The following MIER3 variants were observed in gnomAD, a reference collection of about 807,000 sequenced individuals.
MIER3 encodes the protein mesoderm induction early response protein 3.
In MIER3, 9 loss-of-function variants were observed where a neutral mutation model predicts 63.2. The ratio of observed to expected loss-of-function variants is 0.14; its 90% CI spans 0.09 to 0.25. The LOEUF (loss-of-function observed/expected upper bound fraction) is 0.25. Among genes scored for constraint, MIER3 ranks in the 10% least tolerant of loss-of-function variants. The probability of loss-of-function intolerance (pLI) is 1.00; values close to 1 mark genes in which losing one functional copy is unlikely to be tolerated. For missense variants in MIER3, 512 were observed against 666.2 expected (o/e 0.77, Z 2.55); for synonymous variants, 205 against 224.9 (o/e 0.91, Z 0.79).
rs752887778 is a variant in MIER3, at chr5:56,947,063, A to G, written c.43T>C (p.Leu15=). The G allele has an allele frequency of 6.2e-7, 1 of 1,606,048 alleles. No homozygotes were observed. ...SFGSSSPVGS[L]SSEDHDFDPT... ...TCAAAATCATGATCCTCAGAAGACA[A>G]AGACCCAACTGGAATAAAACAAACT... The change falls in exon 3 of 13, where the codon TTG becomes CTG. Residue 15 remains leucine, a synonymous_variant. Transcript: ENST00000381199.
rs1393589915 is a variant in MIER3, at chr5:56,923,811, C to T, written c.1075G>A (p.Asp359Asn). 6.2e-7 allele frequency: 1 copy of T among 1,614,168 alleles called. No individual in the cohort carries two copies. The highest frequency in any genetic ancestry group is 8.5e-7 in the Non-Finnish European group (1 of 1,180,014). ...GTCCCACCCAAAGCTTCTGTTTCATCTACTAAACGATCCATATAGTCCCTG... is the reference window on the plus strand; with the variant it reads ...GTCCCACCCAAAGCTTCTGTTTCATTTACTAAACGATCCATATAGTCCCTG... ...GVTDYMDRLV[D>N]ETEALGGTVN... Residue 359 changes from aspartate to asparagine, a missense_variant, in exon 12 of 13, where the codon GAT (aspartate) becomes AAT (asparagine). This residue lies in a region of MIER3 where 218 missense variants were observed against 251.2 expected (regional missense o/e 0.87). Coordinates refer to ENST00000381199, the MANE Select transcript of MIER3 (RefSeq NM_001297599.2).
chr5:56,925,291 T>C (rs1749908959), intron 10 of MIER3: 1 of 451,240 alleles, frequency 2.2e-6, no homozygotes. Flanking sequence ...ATAAAAAGTA[T>C]ACAGATTGGG....
intron 3 of MIER3, chr5:56,941,205 C>A: frequency 1.1e-6 from 1 of 909,334 alleles, no homozygotes; most frequent in Non-Finnish European, 1.3e-6. Context: ...CATTATGATA[C>A]AATGTGATGG....
chr5:56,925,116 G>T (rs1749898546), intron 10 of MIER3, among the ~76,000 whole-genome samples: 1 of 151,786 alleles, frequency 6.6e-6, no homozygotes, highest in Non-Finnish European at 1.5e-5. Flanking sequence ...AAAACTGATG[G>T]TTTTTTTTAC....
chr5:56,940,433 G>C (rs536513828), intron 3 of MIER3, among the ~76,000 whole-genome samples: 1 of 152,318 alleles, frequency 6.6e-6, no homozygotes, highest in Non-Finnish European at 1.5e-5. Flanking sequence ...ATTCCTTAGA[G>C]GGCCAGCTGG....
intron 4 of MIER3, among the ~76,000 whole-genome samples, chr5:56,938,035 T>A (rs1209894412): frequency 6.6e-6 from 1 of 152,118 alleles, no homozygotes; most frequent in Non-Finnish European, 1.5e-5. Flanking sequence ...TTATATTCAT[T>A]TTCTGTCAAT....
intron 4 of MIER3, among the ~76,000 whole-genome samples, chr5:56,938,111 A>C (rs1319187031): frequency 6.6e-6 from 1 of 152,254 alleles, no homozygotes; most frequent in African/African-American, 2.4e-5. Flanking sequence ...ACTAATGAAC[A>C]GCACTGACTA....
rs1343417361 is a variant in MIER3 at position 56,923,428 on chromosome 5, A to C, written c.1353T>G (p.Asp451Glu). ...ATCCAGTCTCAAATAAATTAAAACAATCACTTTCCCCATTGCTGGGCAGGG... is the reference window on the plus strand; with the variant it reads ...ATCCAGTCTCAAATAAATTAAAACACTCACTTTCCCCATTGCTGGGCAGGG... ...LLTLPSNGES[D>E]CFNLFETGFY... Residue 451 changes from aspartate to glutamate, a missense_variant, in exon 13 of 13, where the codon GAT becomes GAG. By Grantham distance (45) the Asp-to-Glu change is conservative (BLOSUM62 2). This residue lies in a region of MIER3 where 218 missense variants were observed against 251.2 expected (regional missense o/e 0.87). Transcript: ENST00000381199. 1.2e-6 allele frequency: 2 copies of C among 1,614,196 alleles called. No individual in the cohort carries two copies. Among genetic ancestry groups the C allele is most frequent in the Non-Finnish European group, 1.7e-6 (2 of 1,180,034 alleles).
At chr5:56,927,478 T>G (rs540502997) in intron 10 of MIER3, among the ~76,000 whole-genome samples, 1 of 152,282 alleles carries the variant, frequency 6.6e-6, no homozygotes, top group East Asian at 1.9e-4. Context: ...AACCCTGCCT[T>G]CCTTTAGGAT....
chr5:56,938,233 G>T, intron 4 of MIER3: 2 of 471,006 alleles, frequency 4.2e-6, no homozygotes, highest in Middle Eastern at 3.3e-4. Context: ...AATGACTATG[G>T]TCATTAAGGT....
At chr5:56,924,448 T>C (rs529418253) in intron 10 of MIER3, among the ~76,000 whole-genome samples, 2 of 150,328 alleles carry the variant, frequency 1.3e-5, no homozygotes, top group African/African-American at 5.0e-5. Flanking sequence ...ATGGATTTCA[T>C]TGAGATCTAT....
At chr5:56,925,173 C>T (rs1003085227) in intron 10 of MIER3, among the ~76,000 whole-genome samples, 3 of 152,094 alleles carry the variant, frequency 2.0e-5, no homozygotes, top group African/African-American at 7.2e-5. Context: ...AAATTATACG[C>T]TTTATCTCAT....
chr5:56,944,726 CT>C (rs1482643598), intron 3 of MIER3, among the ~76,000 whole-genome samples: 7 of 152,052 alleles, frequency 4.6e-5, no homozygotes, highest in African/African-American at 1.4e-4. Flanking sequence ...GGGTCTCAGT[CT>C]GTCACATACT....
intron 10 of MIER3, chr5:56,925,378 A>T (rs1291767294): frequency 2.2e-6 from 1 of 452,780 alleles, no homozygotes; most frequent in Non-Finnish European, 4.4e-6. Context: ...TCAACAAAAA[A>T]TCGCCTGTAA....
In MIER3 at chr5:56,947,106, T is replaced by C. The variant is rs566389685; in HGVS notation, c.35-35A>G. The C allele has an allele frequency of 8.2e-6, 13 of 1,580,216 alleles. No individual in the cohort carries two copies. The South Asian group carries it at 1.1e-4, about 13-fold the overall frequency. Reference sequence around the variant, plus strand: ...AACAAACTGAATCACTTTACACATTTACAAGGCTATTAACAAAAGAAAATA... The same window carrying C: ...AACAAACTGAATCACTTTACACATTCACAAGGCTATTAACAAAAGAAAATA... On this transcript the variant is annotated intron_variant, in intron 2 of 12. Transcript: ENST00000381199.
At position 56,950,645 on chromosome 5, in the gene MIER3, A is replaced by G; in HGVS notation, c.17T>C (p.Phe6Ser). MAEAS[F>S]GSSSPVGSLS... ...GGACAAACCTGGGCTCGAACTTCCA[A>G]AAGAAGCCTAGGAGAGAGAGAAGAA... Residue 6 changes from phenylalanine (F) to serine (S), a missense_variant, in exon 2 of 13, where the codon TTT becomes TCT. Physicochemically the swap from Phe to Ser is radical, Grantham distance 155. Transcript: ENST00000381199. 1 of 1,613,764 alleles carries G rather than the reference A, an allele frequency of 6.2e-7. No homozygotes were observed. Among genetic ancestry groups the G allele is most frequent in the Non-Finnish European group, 8.5e-7 (1 of 1,179,812 alleles).
At chr5:56,940,314 C>T (rs896067896) in intron 3 of MIER3, among the ~76,000 whole-genome samples, 8 of 152,082 alleles carry the variant, frequency 5.3e-5, no homozygotes, top group African/African-American at 1.7e-4. Flanking sequence ...TTTAGTTTTC[C>T]CTTTAAAATA....
Position 56,938,961 on chromosome 5 carries a change from A to C in MIER3, c.237T>G (p.Ile79Met). 6.2e-7 allele frequency: 1 copy of C among 1,614,132 alleles called. No individual in the cohort carries two copies. The highest frequency in any genetic ancestry group is 8.5e-7 in the Non-Finnish European group (1 of 1,180,026). Residue 79 changes from isoleucine (I) to methionine (M), a missense_variant, in exon 4 of 13, where the codon ATT (isoleucine) becomes ATG (methionine). By Grantham distance (10) the Ile-to-Met change is conservative (BLOSUM62 1). This residue lies in a region of MIER3 where 98 missense variants were observed against 107.4 expected (regional missense o/e 0.91). Transcript: ENST00000381199. ...TTGCACTGGAATTTGCAACTGCTGG[A>C]ATTGTAGGTTCATAGCCATAGAATG... ...LLAFYGYEPT[I>M]PAVANSSANS... is the part of the protein sequence containing the mutation.
At chr5:56,947,406 C>T (rs1561246982) in intron 2 of MIER3, among the ~76,000 whole-genome samples, 1 of 152,118 alleles carries the variant, frequency 6.6e-6, no homozygotes, top group Non-Finnish European at 1.5e-5. Flanking sequence ...TCATTTAATA[C>T]ATCTGTCTAA....
Sources: gnomAD v4.1 joint callset for allele counts (sites outside exome capture counted in the v4.1 genomes callset) on GRCh38, gnomAD v4.1.1 for gene constraint, gnomAD v4.1.1 regional missense constraint, MANE v1.5 for transcripts, NCBI Gene and HGNC (gene_info 2026-07-23, HGNC 2026-07-21) for gene names.